Variants in ZC3H12B observed in about 807,000 individuals in gnomAD.
The protein encoded by ZC3H12B is probable ribonuclease ZC3H12B.
A neutral mutation model predicts 43.9 loss-of-function variants in ZC3H12B; 7 were observed. The ratio of observed to expected loss-of-function variants is 0.16; its 90% CI spans 0.09 to 0.30. The LOEUF is 0.30. Among genes scored for constraint, ZC3H12B ranks in the 10% least tolerant of loss-of-function variants. The probability of loss-of-function intolerance (pLI) is 1.00; values close to 1 mark genes in which losing one functional copy is unlikely to be tolerated. For synonymous variants in ZC3H12B, 222 were observed against 241.7 expected (o/e 0.92, Z 0.76); for missense variants, 475 against 670.2 (o/e 0.71, Z 3.22).
chrX:65,312,603 A>G, the ZC3H12B span, among the ~76,000 whole-genome samples: 1 of 111,893 alleles, frequency 8.9e-6, no homozygotes, highest in Admixed American at 9.5e-5. Flanking sequence ...ATAAGAAAAT[A>G]CCATAAACTA....
chrX:65,212,705 T>A, the ZC3H12B span, among the ~76,000 whole-genome samples: 153 of 92,290 alleles, frequency 1.7e-3, no homozygotes, highest in South Asian at 6.7e-3. Flanking sequence ...TATATATGAT[T>A]TATATATCAT....
chrX:65,131,175 G>C, the ZC3H12B span, among the ~76,000 whole-genome samples: 1 of 111,610 alleles, frequency 9.0e-6, no homozygotes, highest in Non-Finnish European at 1.9e-5. Context: ...GTATTGGAGT[G>C]GGGCAGAGTG....
chrX:65,228,954 C>T, the ZC3H12B span, among the ~76,000 whole-genome samples: 1 of 111,891 alleles, frequency 8.9e-6, no homozygotes, highest in African/African-American at 3.2e-5. Flanking sequence ...AATGGCCATA[C>T]TGCCTAAGGT....
the ZC3H12B span, among the ~76,000 whole-genome samples, chrX:65,148,342 G>T: frequency 9.0e-6 from 1 of 111,073 alleles, no homozygotes; most frequent in Non-Finnish European, 1.9e-5. Flanking sequence ...TAGCCTGGTG[G>T]CTGGGTTCAT....
chrX:65,462,384 C>T (rs893596895), intron 3 of ZC3H12B, among the ~76,000 whole-genome samples: 33 of 110,588 alleles, frequency 3.0e-4, no homozygotes, highest in African/African-American at 1.0e-3. Context: ...TAGCGACAGG[C>T]GCCTGTGATC....
intron 4 of ZC3H12B, 82 bp downstream of exon 9, chrX:65,500,071 C>CA: frequency 1.3e-6 from 1 of 782,301 alleles, no homozygotes; most frequent in Non-Finnish European, 1.9e-6. Flanking sequence ...CCAGGTTTCC[C>CA]TTTCAAATGG....
the ZC3H12B span, among the ~76,000 whole-genome samples, chrX:65,227,588 C>G: frequency 9.0e-6 from 1 of 111,323 alleles, no homozygotes; most frequent in Non-Finnish European, 1.9e-5. Flanking sequence ...ATTAATGAAT[C>G]CAGTAGCTGG....
At chrX:65,389,853 T>G (rs184747351) in intron 2 of ZC3H12B, among the ~76,000 whole-genome samples, 59 of 112,335 alleles carry the variant, frequency 5.3e-4, no homozygotes, top group African/African-American at 1.8e-3. Flanking sequence ...GTGTGGTGAA[T>G]CCTCAAGGAT....
At chrX:65,075,912 A>T in the ZC3H12B span, among the ~76,000 whole-genome samples, 3 of 111,640 alleles carry the variant, frequency 2.7e-5, no homozygotes, top group Admixed American at 2.8e-4. Flanking sequence ...GACCATGGCG[A>T]GTGAGTACCA....
chrX:65,057,658 G>T, the ZC3H12B span, among the ~76,000 whole-genome samples: 3 of 111,778 alleles, frequency 2.7e-5, no homozygotes, highest in Non-Finnish European at 3.8e-5. Flanking sequence ...AGTTCTCCTG[G>T]ATAATATCCT....
At chrX:65,044,419 C>T in the ZC3H12B span, among the ~76,000 whole-genome samples, 2 of 111,393 alleles carry the variant, frequency 1.8e-5, no homozygotes, top group African/African-American at 6.5e-5. Flanking sequence ...AACATATAGA[C>T]TTTTGTAGGA....
At chrX:65,312,471 C>T in the ZC3H12B span, among the ~76,000 whole-genome samples, 1 of 108,349 alleles carries the variant, frequency 9.2e-6, no homozygotes, top group Non-Finnish European at 1.9e-5. Flanking sequence ...GCAGCACAAG[C>T]ACCAAAAACT....
the ZC3H12B span, among the ~76,000 whole-genome samples, chrX:65,251,375 G>A: frequency 9.0e-6 from 1 of 111,595 alleles, no homozygotes; most frequent in African/African-American, 3.3e-5. Context: ...GTAGCGTGAT[G>A]CCTCCAGCTT....
At chrX:65,241,102 C>A in the ZC3H12B span, among the ~76,000 whole-genome samples, 2 of 111,813 alleles carry the variant, frequency 1.8e-5, no homozygotes, top group Admixed American at 1.9e-4. Flanking sequence ...TTGGGTGTAA[C>A]TCTTCCTTGT....
At chrX:65,101,966 A>T in the ZC3H12B span, among the ~76,000 whole-genome samples, 1 of 112,339 alleles carries the variant, frequency 8.9e-6, no homozygotes, top group African/African-American at 3.2e-5. Flanking sequence ...CCTGATGAAC[A>T]TCGAGGCAAA....
intron 2 of ZC3H12B, among the ~76,000 whole-genome samples, chrX:65,376,438 C>A (rs1039261521): frequency 3.6e-5 from 4 of 111,119 alleles, no homozygotes; most frequent in African/African-American, 1.3e-4. Context: ...AGGTGGTAGC[C>A]AGAGAGTGGT....
At chrX:65,246,677 A>G in the ZC3H12B span, among the ~76,000 whole-genome samples, 1 of 112,458 alleles carries the variant, frequency 8.9e-6, no homozygotes, top group South Asian at 3.7e-4. Context: ...TGTTCAATAA[A>G]TAGTGCTGGG....
the ZC3H12B span, among the ~76,000 whole-genome samples, chrX:65,102,852 A>G: frequency 2.2e-3 from 251 of 111,559 alleles, 2 homozygotes; most frequent in African/African-American, 7.5e-3. Context: ...TGCCCCCTGA[A>G]CCGCAAACCC....
the ZC3H12B span, among the ~76,000 whole-genome samples, chrX:65,143,047 T>C: frequency 9.0e-6 from 1 of 110,535 alleles, no homozygotes; most frequent in African/African-American, 3.3e-5. Flanking sequence ...AGAATAATGG[T>C]GGTATTTTGA....
Sources: allele counts gnomAD v4.1 joint callset (sites outside exome capture counted in the v4.1 genomes callset), GRCh38; gene constraint gnomAD v4.1.1; transcripts MANE v1.5; gene names NCBI Gene and HGNC (gene_info 2026-07-23, HGNC 2026-07-21).